The following PTPRN2 variants were observed in gnomAD, a reference collection of about 807,000 sequenced individuals.
PTPRN2 encodes the protein receptor-type tyrosine-protein phosphatase N2.
A neutral mutation model predicts 118.8 loss-of-function variants in PTPRN2; 74 were observed. The observed-to-expected ratio is 0.62, with a 90% confidence interval of 0.52 to 0.76. PTPRN2 has a LOEUF of 0.76. Ranked by LOEUF, PTPRN2 falls within the 30% of genes least tolerant of loss-of-function variation. The probability of loss-of-function intolerance (pLI) is 0.00; values close to 1 mark genes in which losing one functional copy is unlikely to be tolerated. For missense variants in PTPRN2, 1,481 were observed against 1,394.4 expected (o/e 1.06, Z -0.99); for synonymous variants, 641 against 608.0 (o/e 1.05, Z -0.80).
chr7:158,557,164 G>A (rs1237021058), intron 1 of PTPRN2, among the ~76,000 whole-genome samples: 3 of 140,686 alleles, frequency 2.1e-5, no homozygotes, highest in African/African-American at 5.4e-5. Context: ...CGGCTCCCAC[G>A]CAGGTCAGGC....
intron 11 of PTPRN2, among the ~76,000 whole-genome samples, chr7:158,047,479 G>A (rs767525671): frequency 5.9e-5 from 9 of 152,078 alleles, no homozygotes; most frequent in East Asian, 1.9e-4. Flanking sequence ...GTCACTGAGC[G>A]TGTGAGGCCT....
chr7:158,395,603 GGTGAGGC>G (rs201012315), intron 2 of PTPRN2, among the ~76,000 whole-genome samples: 2 of 96,642 alleles, frequency 2.1e-5, no homozygotes, highest in African/African-American at 4.1e-5. Context: ...AGGGGTGAGG[GGTGAGGC>G]GCGAGGGGCC....
At position 157,891,009 on chromosome 7, in the gene PTPRN2, C is replaced by G. The variant is rs553294214; in HGVS notation, c.1788+7664G>C. Among the ~76,000 whole-genome samples the G allele has an allele frequency of 2.8e-4, 43 of 152,330 alleles. 1 individual carries two copies. Among genetic ancestry groups the G allele is most frequent in the African/African-American group, 9.6e-4 (40 of 41,582 alleles). Reference sequence around the variant, plus strand: ...CCTCCCCACCTCCCCACCTCCCCACCTCCTTACTCCGGCTCTCTTCACCTG... The same window carrying G: ...CCTCCCCACCTCCCCACCTCCCCACGTCCTTACTCCGGCTCTCTTCACCTG... On this transcript the variant is annotated intron_variant, in intron 12 of 22. Coordinates refer to ENST00000389418, the MANE Select transcript of PTPRN2 (RefSeq NM_002847.5).
At chr7:158,256,291 G>C (rs1797014355) in intron 3 of PTPRN2, among the ~76,000 whole-genome samples, 1 of 152,124 alleles carries the variant, frequency 6.6e-6, no homozygotes, top group Admixed American at 6.6e-5. Context: ...CCGACTGGCT[G>C]AGGAAAGTGG....
intron 15 of PTPRN2, among the ~76,000 whole-genome samples, chr7:157,613,728 G>C (rs181162322): frequency 6.6e-6 from 1 of 152,154 alleles, no homozygotes; most frequent in African/African-American, 2.4e-5. Flanking sequence ...TCCCTAACCC[G>C]GCGGCCGTGG....
chr7:157,977,049 T>C lies in PTPRN2; in HGVS notation c.1724-78312A>G, dbSNP rs1454470286. On this transcript the variant is annotated intron_variant, in intron 11 of 22. Transcript: ENST00000389418. The surrounding 1 kb of genome is among the most constrained non-coding windows in gnomAD (Gnocchi z 4.6). ...AAAGCCATAAACACAGTAGTTTCCA[T>C]GAAAAACTATGAGTAGGTATGGAAA... 6.6e-6 allele frequency among the ~76,000 whole-genome samples: 1 copy of C among 151,872 alleles called. No homozygotes were observed. The highest frequency in any genetic ancestry group is 2.4e-5 in the African/African-American group (1 of 41,392).
chr7:158,551,095 C>G (rs1319475993), intron 1 of PTPRN2, among the ~76,000 whole-genome samples: 2 of 152,256 alleles, frequency 1.3e-5, no homozygotes, highest in Non-Finnish European at 2.9e-5. Flanking sequence ...CAGGGCAGGG[C>G]AGCTGCAACA....
chr7:158,483,929 C>T (rs1016627848), intron 2 of PTPRN2, among the ~76,000 whole-genome samples: 38 of 151,944 alleles, frequency 2.5e-4, no homozygotes, highest in African/African-American at 9.2e-4. Flanking sequence ...CTTGAGGTCA[C>T]GAGTTCAAGA....
Position 157,815,906 on chromosome 7 carries a change from G to A in PTPRN2, c.1788+82767C>T, listed in dbSNP as rs566778862. 2.6e-5 allele frequency among the ~76,000 whole-genome samples: 4 copies of A among 152,340 alleles called. 1 individual carries two copies. The South Asian group carries it at 6.2e-4, about 24-fold the overall frequency. ...CGCTGTGCTTCAGAAAGAGCTGGGCGGCAAGATTCACACAAGTAAGCATGT... is the reference window on the plus strand; with the variant it reads ...CGCTGTGCTTCAGAAAGAGCTGGGCAGCAAGATTCACACAAGTAAGCATGT... On this transcript the variant is annotated intron_variant, in intron 12 of 22. Coordinates refer to ENST00000389418, the MANE Select transcript of PTPRN2 (RefSeq NM_002847.5).
chr7:158,433,064 C>T (rs894014163), intron 2 of PTPRN2, among the ~76,000 whole-genome samples: 1 of 152,370 alleles, frequency 6.6e-6, no homozygotes, highest in Middle Eastern at 3.4e-3. Flanking sequence ...CTCCTGAATC[C>T]GGCTTCTTTG....
intron 11 of PTPRN2, among the ~76,000 whole-genome samples, chr7:157,993,192 T>C (rs1324690791): frequency 6.6e-6 from 1 of 152,242 alleles, no homozygotes; most frequent in Non-Finnish European, 1.5e-5. Context: ...TAAGATTTTC[T>C]ATCAAAACGT....
rs544391595 is a variant in PTPRN2, at chr7:158,343,685, C to T, written c.164-26753G>A. Among the ~76,000 whole-genome samples, 27 of 151,304 alleles carry T rather than the reference C, an allele frequency of 1.8e-4. No homozygotes were observed. In the South Asian group the frequency reaches 5.5e-3, roughly 31 times the overall value. ...ACACCCAACACCTGCAAGCAGAGCT[C>T]GCGCAGAGGCTCAGGCAGCCATGCT... On this transcript the variant is annotated intron_variant, in intron 2 of 22. Coordinates refer to ENST00000389418, the MANE Select transcript of PTPRN2 (RefSeq NM_002847.5).
intron 12 of PTPRN2, among the ~76,000 whole-genome samples, chr7:157,689,366 G>A (rs1797357483): frequency 6.6e-6 from 1 of 152,154 alleles, no homozygotes; most frequent in East Asian, 1.9e-4. Context: ...CGGGGGGCGG[G>A]ACCACGTCCG....
chr7:158,470,034 A>G (rs1476928256), intron 2 of PTPRN2, among the ~76,000 whole-genome samples: 1 of 152,120 alleles, frequency 6.6e-6, no homozygotes, highest in Non-Finnish European at 1.5e-5. Flanking sequence ...GATTTGTCCT[A>G]GTGCCTCATA....
chr7:157,742,503 G>A (rs12670473), intron 12 of PTPRN2, among the ~76,000 whole-genome samples: 75,646 of 150,076 alleles, frequency 0.5, 19,417 homozygotes, highest in Non-Finnish European at 0.56. Flanking sequence ...TTTTTTTCCA[G>A]AAGTGGGTAT....
intron 12 of PTPRN2, among the ~76,000 whole-genome samples, chr7:157,698,147 G>A (rs1051749733): frequency 6.6e-5 from 10 of 152,228 alleles, no homozygotes; most frequent in Non-Finnish European, 1.3e-4. Context: ...GCAAATGTAA[G>A]CAGTGCAAAT....
Position 158,015,524 on chromosome 7 carries a change from C to T in PTPRN2, c.1723+65774G>A, listed in dbSNP as rs1166283625. On this transcript the variant is annotated intron_variant, in intron 11 of 22. Transcript: ENST00000389418. The surrounding 1 kb of genome is among the most constrained non-coding windows in gnomAD (Gnocchi z 4.2). The stretch of plus-strand genomic sequence containing the variant: ...GATAGAGGGAGGGGTGGGAGGAAGA[C>T]AGAAAGGTCCTCACCGCCCCCGCCC... 6.6e-6 allele frequency among the ~76,000 whole-genome samples: 1 copy of T among 151,762 alleles called. No homozygotes were observed. Among genetic ancestry groups the T allele is most frequent in the East Asian group, 1.9e-4 (1 of 5,162 alleles).
intron 12 of PTPRN2, among the ~76,000 whole-genome samples, chr7:157,795,949 C>T (rs922690706): frequency 1.3e-5 from 2 of 152,352 alleles, no homozygotes; most frequent in South Asian, 2.1e-4. Flanking sequence ...ACCTGATCAC[C>T]GTGATGGAGG....
intron 12 of PTPRN2, among the ~76,000 whole-genome samples, 166 bp from the exon 13 acceptor site, chr7:157,683,103 G>A (rs12698099): frequency 0.23 from 34,624 of 152,196 alleles, 3,996 homozygotes; most frequent in Non-Finnish European, 0.23. Flanking sequence ...CCCGTCAAAG[G>A]AGAAGCAGAA....
Sources: allele counts gnomAD v4.1 joint callset (sites outside exome capture counted in the v4.1 genomes callset), GRCh38; gene constraint gnomAD v4.1.1; non-coding constraint Gnocchi (gnomAD v3.1); transcripts MANE v1.5; gene names NCBI Gene and HGNC (gene_info 2026-07-23, HGNC 2026-07-21).